Variants in MAP3K5 observed in about 807,000 individuals in gnomAD.
MAP3K5 encodes mitogen-activated protein kinase kinase kinase 5.
In MAP3K5, 56 loss-of-function variants were observed where a neutral mutation model predicts 158.7. The observed-to-expected ratio is 0.35, with a 90% confidence interval of 0.28 to 0.44. The LOEUF (loss-of-function observed/expected upper bound fraction) is 0.44, where lower values mean the gene tolerates loss of function less well. MAP3K5 is among the 20% of genes least tolerant of loss of function. MAP3K5 has a pLI of 1.00. For missense variants in MAP3K5, 1,294 were observed against 1,674.8 expected (o/e 0.77, Z 3.97); for synonymous variants, 579 against 601.7 (o/e 0.96, Z 0.55).
At chr6:136,723,418 A>G (rs189202567) in intron 1 of MAP3K5, among the ~76,000 whole-genome samples, 2 of 152,332 alleles carry the variant, frequency 1.3e-5, no homozygotes, top group East Asian at 1.9e-4. Context: ...TGATGTTTAC[A>G]TTCATGTATA....
intron 28 of MAP3K5, among the ~76,000 whole-genome samples, chr6:136,560,387 G>C: frequency 6.6e-6 from 1 of 152,134 alleles, no homozygotes; most frequent in Admixed American, 6.5e-5. Flanking sequence ...GGCTGAGGCA[G>C]GGAATCTCTC....
intron 26 of MAP3K5, among the ~76,000 whole-genome samples, chr6:136,567,396 G>C (rs1774166183): frequency 6.6e-6 from 1 of 152,142 alleles, no homozygotes; most frequent in African/African-American, 2.4e-5. Context: ...AAAATCTTAG[G>C]GCACCTGGAG....
At chr6:136,788,889 C>T (rs1395357392) in intron 1 of MAP3K5, among the ~76,000 whole-genome samples, 1 of 152,246 alleles carries the variant, frequency 6.6e-6, no homozygotes, top group Non-Finnish European at 1.5e-5. Flanking sequence ...ACCCAGCAAT[C>T]CCATTACTAG....
intron 2 of MAP3K5, among the ~76,000 whole-genome samples, chr6:136,707,600 C>T (rs1443899196): frequency 2.6e-5 from 4 of 151,858 alleles, no homozygotes; most frequent in Non-Finnish European, 5.9e-5. Context: ...TTGGCTAAAG[C>T]AGAAAGTTCA....
At chr6:136,640,854 G>A (rs1777896868) in intron 12 of MAP3K5, among the ~76,000 whole-genome samples, 1 of 152,176 alleles carries the variant, frequency 6.6e-6, no homozygotes, top group Non-Finnish European at 1.5e-5. Context: ...TTGTGGAGGA[G>A]GAGGCCAGGA....
intron 2 of MAP3K5, among the ~76,000 whole-genome samples, chr6:136,719,038 AG>A (rs1335624305): frequency 6.6e-6 from 1 of 152,052 alleles, no homozygotes; most frequent in Non-Finnish European, 1.5e-5. Context: ...TAGCTGGGTG[AG>A]GTAGCATGCA....
chr6:136,585,106 T>G (rs945282421), intron 23 of MAP3K5, among the ~76,000 whole-genome samples: 52 of 94,560 alleles, frequency 5.5e-4, no homozygotes, highest in African/African-American at 2.0e-3. Flanking sequence ...TTTCTTTTTG[T>G]TTTTTTTTTT....
chr6:136,597,890 A>T (rs974406486), intron 21 of MAP3K5, among the ~76,000 whole-genome samples: 1 of 152,230 alleles, frequency 6.6e-6, no homozygotes, highest in Non-Finnish European at 1.5e-5. Flanking sequence ...TAAATAATAA[A>T]AATTCAGTGC....
chr6:136,622,893 T>C lies in MAP3K5; in HGVS notation c.2105A>G (p.Asn702Ser). 2 of 1,614,016 alleles carry C rather than the reference T, an allele frequency of 1.2e-6. No homozygotes were observed. The highest frequency in any genetic ancestry group is 1.1e-5 in the South Asian group (1 of 91,082). ...TTCCTTAATAGCAATTCTGACTTGG[T>C]TGCTCAAGTCCCGACCTGCGTAGAC... is the stretch of plus-strand genomic sequence containing the variant. Reference protein sequence around the residue: ...GIVYAGRDLSNQVRIAIKEIP... With the variant: ...GIVYAGRDLSSQVRIAIKEIP... The change falls in exon 15 of 30, where the codon AAC becomes AGC. Residue 702 changes from asparagine to serine, a missense_variant. This residue lies in a region of MAP3K5 where 690 missense variants were observed against 870.5 expected (regional missense o/e 0.79). Transcript: ENST00000359015.
At chr6:136,614,924 C>A (rs1410931394) in intron 15 of MAP3K5, among the ~76,000 whole-genome samples, 4 of 152,158 alleles carry the variant, frequency 2.6e-5, no homozygotes, top group African/African-American at 9.7e-5. Context: ...TCCACTAATT[C>A]TATTATATCA....
At chr6:136,705,644 G>A (rs9373172) in intron 2 of MAP3K5, among the ~76,000 whole-genome samples, 86,783 of 151,998 alleles carry the variant, frequency 0.57, 25,956 homozygotes, top group African/African-American at 0.75. Context: ...AGGAGAATAC[G>A]AAAGTATTGT....
At chr6:136,591,268 C>T (rs1322106155) in intron 23 of MAP3K5, among the ~76,000 whole-genome samples, 2 of 152,212 alleles carry the variant, frequency 1.3e-5, no homozygotes, top group Non-Finnish European at 2.9e-5. Context: ...GTTTCCTCCG[C>T]ATCCCAAGGA....
intron 24 of MAP3K5, among the ~76,000 whole-genome samples, chr6:136,581,866 T>C (rs112498158): frequency 0.035 from 5,322 of 152,304 alleles, 324 homozygotes; most frequent in African/African-American, 0.12. Context: ...GCGGATCACC[T>C]GAGGCCAGGA....
intron 3 of MAP3K5, among the ~76,000 whole-genome samples, chr6:136,699,983 A>G (rs1002127051): frequency 6.6e-6 from 1 of 152,052 alleles, no homozygotes; most frequent in African/African-American, 2.4e-5. Context: ...AATCCCAGCT[A>G]CTCAGGAGGC....
At chr6:136,693,259 C>T (rs977991920) in intron 7 of MAP3K5, among the ~76,000 whole-genome samples, 23 of 152,130 alleles carry the variant, frequency 1.5e-4, no homozygotes, top group African/African-American at 4.6e-4. Context: ...TCTTGTATTC[C>T]AGTGCTTTGT....
chr6:136,705,900 C>A (rs1273223997), intron 2 of MAP3K5, among the ~76,000 whole-genome samples: 1 of 152,182 alleles, frequency 6.6e-6, no homozygotes, highest in African/African-American at 2.4e-5. Context: ...CAAATCCACA[C>A]ACAGATAATC....
chr6:136,645,176 T>C (rs1428309662), intron 11 of MAP3K5, among the ~76,000 whole-genome samples: 1 of 152,184 alleles, frequency 6.6e-6, no homozygotes, highest in Non-Finnish European at 1.5e-5. Context: ...CAAGCAATCC[T>C]CCTGCTCTGG....
chr6:136,729,900 A>T (rs1782135268), intron 1 of MAP3K5, among the ~76,000 whole-genome samples: 1 of 152,246 alleles, frequency 6.6e-6, no homozygotes, highest in African/African-American at 2.4e-5. Context: ...AGAAAGAATT[A>T]AAGACGTTTC....
At chr6:136,628,826 A>G (rs1475566153) in intron 14 of MAP3K5, among the ~76,000 whole-genome samples, 2 of 152,182 alleles carry the variant, frequency 1.3e-5, no homozygotes, top group Middle Eastern at 3.2e-3. Context: ...TCCCCTTTCT[A>G]TTCTTACGAG....
Sources: allele counts gnomAD v4.1 joint callset (sites outside exome capture counted in the v4.1 genomes callset), GRCh38; gene constraint gnomAD v4.1.1; regional missense constraint gnomAD v4.1.1; transcripts MANE v1.5; gene names NCBI Gene and HGNC (gene_info 2026-07-23, HGNC 2026-07-21).